ZFHX3: variants seen among roughly 807,000 people sequenced by gnomAD.
ZFHX3 encodes zinc finger homeobox protein 3.
In ZFHX3, 42 loss-of-function variants were observed where a neutral mutation model predicts 279.1. That is an observed-to-expected ratio of 0.15 (90% CI 0.12 to 0.19). The LOEUF (loss-of-function observed/expected upper bound fraction) is 0.19. ZFHX3 is among the 10% of genes least tolerant of loss of function. The pLI is 1.00. For missense variants in ZFHX3, 4,981 were observed against 4,754.0 expected (o/e 1.05, Z -1.40); for synonymous variants, 2,293 against 1,957.8 (o/e 1.17, Z -4.52).
At chr16:73,494,780 C>T (rs1356394576) in intron 2 of ZFHX3, among the ~76,000 whole-genome samples, 1 of 151,424 alleles carries the variant, frequency 6.6e-6, no homozygotes, top group Non-Finnish European at 1.5e-5. Context: ...GTTGATCAGG[C>T]TGGTCTCGAA....
chr16:73,744,157 A>T (rs1186678589), intron 1 of ZFHX3, among the ~76,000 whole-genome samples: 2 of 152,236 alleles, frequency 1.3e-5, no homozygotes, highest in Non-Finnish European at 2.9e-5. Context: ...CCATTTGTTC[A>T]CCCAAAGGGC....
intron 2 of ZFHX3, among the ~76,000 whole-genome samples, chr16:73,653,764 G>C (rs997132294): frequency 6.7e-6 from 1 of 150,234 alleles, no homozygotes; most frequent in Non-Finnish European, 1.5e-5. Flanking sequence ...AACTAAAGGT[G>C]GTTCCTTGAA....
chr16:73,098,315 G>C (rs909722877), intron 7 of ZFHX3, among the ~76,000 whole-genome samples: 15 of 151,804 alleles, frequency 9.9e-5, no homozygotes, highest in African/African-American at 3.1e-4. Flanking sequence ...TGATCCACCC[G>C]TCACAGCCTT....
In ZFHX3 at chr16:73,459,362, G is replaced by A. The variant is rs560394160; in HGVS notation, c.-1546-3104C>T. 5.9e-5 allele frequency among the ~76,000 whole-genome samples: 9 copies of A among 151,884 alleles called. No individual in the cohort carries two copies. The South Asian group carries it at 1.7e-3, about 28-fold the overall frequency. ...AAAGGAAAGAGGTTGTCTTTTTGTT[G>A]TTGTTTTTTTTTCTGAGATGGATGG... On this transcript the variant is annotated intron_variant, in intron 2 of 17. Coordinates refer to the ZFHX3 transcript ENST00000641206.
intron 1 of ZFHX3, among the ~76,000 whole-genome samples, chr16:73,744,208 T>C (rs192714714): frequency 2.6e-5 from 4 of 152,340 alleles, no homozygotes; most frequent in Admixed American, 1.3e-4. Flanking sequence ...CGTACAAAAG[T>C]AGTTATTAAT....
intron 3 of ZFHX3, among the ~76,000 whole-genome samples, chr16:73,412,304 G>T (rs1169084750): frequency 6.8e-6 from 1 of 146,944 alleles, no homozygotes; most frequent in Non-Finnish European, 1.5e-5. Context: ...TCCACCCTGG[G>T]CAACAGAGTG....
At chr16:73,867,008 C>A (rs1257116716) in intron 1 of ZFHX3, among the ~76,000 whole-genome samples, 1 of 152,054 alleles carries the variant, frequency 6.6e-6, no homozygotes, top group Non-Finnish European at 1.5e-5. Flanking sequence ...CTCACGTCGT[C>A]TTGTGCTTGG....
chr16:73,661,289 A>T (rs939668359), intron 2 of ZFHX3, among the ~76,000 whole-genome samples: 4 of 152,254 alleles, frequency 2.6e-5, no homozygotes, highest in South Asian at 2.1e-4. Flanking sequence ...ATTGTAAAAA[A>T]CAAACAAAAA....
intron 5 of ZFHX3, among the ~76,000 whole-genome samples, chr16:73,207,263 A>G (rs2144906291): frequency 6.6e-6 from 1 of 152,226 alleles, no homozygotes; most frequent in African/African-American, 2.4e-5. Context: ...GAGCTTCTTG[A>G]CCAATTAAAT....
intron 2 of ZFHX3, chr16:73,680,095 T>A (rs189869662): frequency 6.6e-6 from 1 of 152,180 alleles, no homozygotes; most frequent in Admixed American, 6.5e-5. Context: ...AATCAACCTT[T>A]AACTACATCG....
At chr16:73,864,910 T>C (rs937895709) in intron 1 of ZFHX3, among the ~76,000 whole-genome samples, 2 of 152,210 alleles carry the variant, frequency 1.3e-5, no homozygotes, top group Non-Finnish European at 2.9e-5. Context: ...CCCTTCAATA[T>C]GGGCTGGCCT....
At chr16:73,561,710 T>C (rs890023684) in intron 2 of ZFHX3, among the ~76,000 whole-genome samples, 1 of 152,240 alleles carries the variant, frequency 6.6e-6, no homozygotes, top group African/African-American at 2.4e-5. Context: ...TTTTCCCTTC[T>C]GATTACAACA....
chr16:73,282,029 A>C (rs1283555378), intron 4 of ZFHX3, among the ~76,000 whole-genome samples: 1 of 152,228 alleles, frequency 6.6e-6, no homozygotes, highest in African/African-American at 2.4e-5. Flanking sequence ...ACATGAAAAA[A>C]ACTAATTGCA....
intron 2 of ZFHX3, among the ~76,000 whole-genome samples, chr16:73,548,942 CG>C (rs2020163779): frequency 6.6e-6 from 1 of 152,082 alleles, no homozygotes; most frequent in Non-Finnish European, 1.5e-5. Context: ...TGAGTGGAGA[CG>C]GCTCTCAGCA....
At position 73,820,292 on chromosome 16, in the gene ZFHX3, G is replaced by A. The variant is rs900867727; in HGVS notation, c.-1608+71359C>T. 5.3e-5 allele frequency among the ~76,000 whole-genome samples: 8 copies of A among 152,076 alleles called. No homozygotes were observed. The East Asian group carries it at 5.8e-4, about 11-fold the overall frequency. ...TTTTTAGTAAAGACAGGGTTTCACCGTGTTAGCCAGGATGGTCTTGATCTC... is the reference window on the plus strand; with the variant it reads ...TTTTTAGTAAAGACAGGGTTTCACCATGTTAGCCAGGATGGTCTTGATCTC... On this transcript the variant is annotated intron_variant, in intron 1 of 17. Transcript: ENST00000641206.
In ZFHX3 at chr16:72,957,486, A is replaced by C. The variant is rs2144432294; in HGVS notation, c.2660T>G (p.Met887Arg). 6.2e-7 allele frequency: 1 copy of C among 1,614,104 alleles called. No individual in the cohort carries two copies. The highest frequency in any genetic ancestry group is 1.1e-5 in the South Asian group (1 of 91,080). The change falls in exon 2 of 10, where the codon ATG becomes AGG. Residue 887 changes from methionine (M) to arginine (R), a missense_variant. Coordinates refer to ENST00000268489, the MANE Select transcript of ZFHX3 (RefSeq NM_006885.4). ...GGGATCCAGCTGGAATCCGCTCATC[A>C]TGAACTGGGCGTCCGAGGCAGCACT... ...MDSAASDAQFMMSGFQLDPAG... is the reference protein window; with the variant it reads ...MDSAASDAQFRMSGFQLDPAG...
intron 4 of ZFHX3, among the ~76,000 whole-genome samples, chr16:72,857,959 G>A (rs751144151): frequency 1.3e-5 from 2 of 152,238 alleles, no homozygotes; most frequent in East Asian, 1.9e-4. Flanking sequence ...AACTACCGGA[G>A]TAAGAGAGCA....
intron 3 of ZFHX3, among the ~76,000 whole-genome samples, chr16:73,346,959 T>C (rs1307070581): frequency 1.3e-5 from 2 of 152,182 alleles, no homozygotes; most frequent in Non-Finnish European, 2.9e-5. Context: ...AATCTTCATG[T>C]TCACTATAAG....
intron 1 of ZFHX3, chr16:73,812,597 A>G (rs1960455544): frequency 6.6e-6 from 1 of 152,284 alleles, no homozygotes; most frequent in Non-Finnish European, 1.5e-5. Flanking sequence ...TCACAGACTG[A>G]TACTAGCTGC....
Sources: gnomAD v4.1 joint callset for allele counts (sites outside exome capture counted in the v4.1 genomes callset) on GRCh38, gnomAD v4.1.1 for gene constraint, MANE v1.5 for transcripts, NCBI Gene and HGNC (gene_info 2026-07-23, HGNC 2026-07-21) for gene names.